The following KRT25 variants were observed in gnomAD, a reference collection of about 807,000 sequenced individuals.
KRT25 encodes keratin, type I cytoskeletal 25.
KRT25 carries 37 observed loss-of-function variants against 47.6 expected under a neutral mutation model. That is an observed-to-expected ratio of 0.78 (90% CI 0.60 to 1.02). KRT25 has a LOEUF of 1.02. Ranked by LOEUF, KRT25 falls within the 50% of genes least tolerant of loss-of-function variation. KRT25 has a pLI of 0.00. For synonymous variants in KRT25, 203 were observed against 210.2 expected (o/e 0.97, Z 0.30); for missense variants, 542 against 550.3 (o/e 0.98, Z 0.15).
At chr17:40,750,928 G>A (rs2038039962) in intron 5 of KRT25, 26 bp downstream of exon 5, 3 of 1,611,552 alleles carry the variant, frequency 1.9e-6, no homozygotes, top group African/African-American at 1.3e-5. Context: ...CTGGGAGATG[G>A]TGAAAAAAAA....
chr17:40,755,306 G>T lies in KRT25; in HGVS notation c.-35C>A. On this transcript the variant is annotated 5_prime_UTR_variant, in exon 1 of 8. Transcript: ENST00000312150. The stretch of plus-strand genomic sequence containing the variant: ...GCAAACGCGTTGCAGAGCTGTATTT[G>T]TGAAAGCCAGAATGGAGTGCCTTCT... The T allele has an allele frequency of 6.3e-7, 1 of 1,581,274 alleles. No homozygotes were observed. Among genetic ancestry groups the T allele is most frequent in the Non-Finnish European group, 8.6e-7 (1 of 1,163,136 alleles).
chr17:40,751,348 G>C, intron 3 of KRT25, 22 bp from the exon 4 acceptor site: 2 of 1,589,944 alleles, frequency 1.3e-6, no homozygotes, highest in Non-Finnish European at 1.7e-6. Context: ...AAAGTGTTCT[G>C]CTCAGCTCTG....
intron 7 of KRT25, among the ~76,000 whole-genome samples, chr17:40,748,832 C>T (rs1040128129): frequency 2.6e-5 from 4 of 152,166 alleles, no homozygotes; most frequent in African/African-American, 9.7e-5. Flanking sequence ...CAGTGACAGA[C>T]TGGATAAAGC....
Position 40,755,229 on chromosome 17 carries a change from G to A in KRT25, c.43C>T (p.Arg15Cys), listed in dbSNP as rs990586331. Residue 15 changes from arginine to cysteine, a missense_variant, in exon 1 of 8, where the codon CGT (arginine) becomes TGT (cysteine). Coordinates refer to ENST00000312150, the MANE Select transcript of KRT25 (RefSeq NM_181534.4). Reference sequence around the variant, plus strand: ...AGTCTGAGTGATCCAGTGGTGGGACGAGGACAGGACCTCCTGGATGCACTG... The same window carrying A: ...AGTCTGAGTGATCCAGTGGTGGGACAAGGACAGGACCTCCTGGATGCACTG... ...LSSASRRSCP[R>C]PTTGSLRLYG... The A allele has an allele frequency of 1.2e-5, 20 of 1,614,106 alleles. No homozygotes were observed. The highest frequency in any genetic ancestry group is 1.6e-4 in the Middle Eastern group (1 of 6,062).
In KRT25 at chr17:40,755,248, T is replaced by A; in HGVS notation, c.24A>T (p.Ala8=). The A allele has an allele frequency of 6.2e-7, 1 of 1,613,792 alleles. No individual in the cohort carries two copies. The highest frequency in any genetic ancestry group is 1.1e-5 in the South Asian group (1 of 91,032). The change falls in exon 1 of 8, where the codon GCA becomes GCT. Residue 8 remains alanine, a synonymous_variant. Coordinates refer to ENST00000312150, the MANE Select transcript of KRT25 (RefSeq NM_181534.4). ...TGGGACGAGGACAGGACCTCCTGGA[T>A]GCACTGGAAAGTCGAAGAGACATGG... MSLRLSS[A]SRRSCPRPTT... is the part of the protein sequence containing the mutation.
intron 3 of KRT25, among the ~76,000 whole-genome samples, chr17:40,751,721 A>C (rs1411285790): frequency 6.6e-6 from 1 of 152,114 alleles, no homozygotes; most frequent in Non-Finnish European, 1.5e-5. Flanking sequence ...GCCTTTGTGG[A>C]CTGGTCTTCC....
intron 6 of KRT25, among the ~76,000 whole-genome samples, chr17:40,749,901 A>G (rs4890128): frequency 0.62 from 94,880 of 151,954 alleles, 29,883 homozygotes; most frequent in East Asian, 0.89. Flanking sequence ...GGATAAAATA[A>G]TAACTGCCAA....
In KRT25 at chr17:40,751,155, GGA is replaced by G. The variant is rs765931361; in HGVS notation, c.831+8_831+9del. The G allele has an allele frequency of 3.7e-6, 6 of 1,613,952 alleles. No homozygotes were observed. The African/African-American group carries it at 8.0e-5, about 22-fold the overall frequency. On this transcript the variant is annotated splice_region_variant and intron_variant, in intron 4 of 7. Coordinates refer to ENST00000312150, the MANE Select transcript of KRT25 (RefSeq NM_181534.4). ...ACATGCAAAGGGACCGTTTTCTGGA[GGA>G]GAGTCACCTTCTCGTTGAACCAGGC...
intron 7 of KRT25, 22 bp from the exon 8 acceptor site, chr17:40,748,408 G>T (rs1418119468): frequency 7.1e-7 from 1 of 1,413,584 alleles, no homozygotes; most frequent in Non-Finnish European, 9.8e-7. Flanking sequence ...AAATTAAAAG[G>T]AGATTTTATG....
chr17:40,750,760 CTTCTTT>C (rs1292140757), intron 5 of KRT25, among the ~76,000 whole-genome samples, 163 bp from the exon 6 acceptor site: 1 of 152,160 alleles, frequency 6.6e-6, no homozygotes, highest in African/African-American at 2.4e-5. Flanking sequence ...TGAGCAAATC[CTTCTTT>C]TTAGTAGAAT....
In KRT25 at chr17:40,750,551, C is replaced by T; in HGVS notation, c.1004G>A (p.Cys335Tyr). 1 of 1,614,226 alleles carries T rather than the reference C, an allele frequency of 6.2e-7. No homozygotes were observed. The highest frequency in any genetic ancestry group is 1.1e-5 in the South Asian group (1 of 91,080). ...CSLTETESNY[C>Y]AQLAQIQAQI... ...AGCCTGGATCTGCGCCAGCTGCGCACAGTAGTTGCTCTCGGTCTCTGTCAA... is the reference window on the plus strand; with the variant it reads ...AGCCTGGATCTGCGCCAGCTGCGCATAGTAGTTGCTCTCGGTCTCTGTCAA... The change falls in exon 6 of 8, where the codon TGT (cysteine) becomes TAT (tyrosine). Residue 335 changes from cysteine (C) to tyrosine (Y), a missense_variant. Transcript: ENST00000312150.
intron 6 of KRT25, among the ~76,000 whole-genome samples, chr17:40,750,087 C>T (rs1597791698): frequency 6.6e-6 from 1 of 152,244 alleles, no homozygotes; most frequent in East Asian, 1.9e-4. Flanking sequence ...GAAACCATTT[C>T]CAGAGTCAGA....
chr17:40,754,143 CTTG>C (rs1471752900), intron 2 of KRT25, 127 bp from the exon 3 acceptor site: 8 of 933,114 alleles, frequency 8.6e-6, no homozygotes, highest in Non-Finnish European at 1.2e-5. Flanking sequence ...ATTTTCAAAG[CTTG>C]TTGTATAATA....
At position 40,754,867 on chromosome 17, in the gene KRT25, T is replaced by C. The variant is rs1259466134; in HGVS notation, c.405A>G (p.Pro135=). Residue 135 remains proline, a synonymous_variant, in exon 1 of 8, where the codon CCA becomes CCG. Transcript: ENST00000312150. ...GLDHDYSRYF[P]IIDDLKNQII... is the part of the protein sequence containing the mutation. ...CCTGATTTTTAAGGTCATCAATTAT[T>C]GGGAAATATCTGCTATAGTCATGAT... is the stretch of plus-strand genomic sequence containing the variant. The C allele has an allele frequency of 1.2e-6, 2 of 1,612,690 alleles. No homozygotes were observed. The highest frequency in any genetic ancestry group is 3.3e-5 in the Admixed American group (2 of 59,816).
intron 1 of KRT25, 58 bp downstream of exon 1, chr17:40,754,785 G>A (rs2038090006): frequency 7.2e-6 from 10 of 1,386,692 alleles, no homozygotes; most frequent in South Asian, 3.0e-5. Context: ...ATAAAGAAAG[G>A]AAAACAAAAT....
chr17:40,753,844 G>T lies in KRT25; in HGVS notation c.669+16C>A, dbSNP rs541478715. ...GTCTGCGGAGGGATAGCAAAATGTAGACGACCAGCTCTTACCTCTTTATGG... is the reference window on the plus strand; with the variant it reads ...GTCTGCGGAGGGATAGCAAAATGTATACGACCAGCTCTTACCTCTTTATGG... On this transcript the variant is annotated intron_variant, in intron 3 of 7. Coordinates refer to ENST00000312150, the MANE Select transcript of KRT25 (RefSeq NM_181534.4). 18 of 1,610,928 alleles carry T rather than the reference G, an allele frequency of 1.1e-5. No individual in the cohort carries two copies. The South Asian group carries it at 2.0e-4, about 18-fold the overall frequency.
chr17:40,753,599 C>G (rs930742892), intron 3 of KRT25, among the ~76,000 whole-genome samples: 2 of 139,980 alleles, frequency 1.4e-5, no homozygotes, highest in East Asian at 2.3e-4. Flanking sequence ...CAGGAGAATG[C>G]CGTGAACCCA....
intron 4 of KRT25, 34 bp downstream of exon 4, chr17:40,751,131 C>T (rs374506909): frequency 4.0e-5 from 65 of 1,613,982 alleles, no homozygotes; most frequent in Non-Finnish European, 5.4e-5. Flanking sequence ...ATACCAGTAA[C>T]ATGCAAAGGG....
In KRT25 at chr17:40,750,518, C is replaced by T; in HGVS notation, c.1037G>A (p.Gly346Glu). 6.2e-7 allele frequency: 1 copy of T among 1,614,184 alleles called. No individual in the cohort carries two copies. The highest frequency in any genetic ancestry group is 1.7e-5 in the Admixed American group (1 of 60,028). ...CTGGTGCAGCTGCTCCTCCAGGGCC[C>T]CGATCTGAGCCTGGATCTGCGCCAG... Reference protein sequence around the residue: ...AQLAQIQAQIGALEEQLHQVR... With the variant: ...AQLAQIQAQIEALEEQLHQVR... Residue 346 changes from glycine to glutamate, a missense_variant, in exon 6 of 8, where the codon GGG becomes GAG. Coordinates refer to ENST00000312150, the MANE Select transcript of KRT25 (RefSeq NM_181534.4).
Sources: allele counts gnomAD v4.1 joint callset (sites outside exome capture counted in the v4.1 genomes callset), GRCh38; gene constraint gnomAD v4.1.1; transcripts MANE v1.5; gene names NCBI Gene and HGNC (gene_info 2026-07-23, HGNC 2026-07-21).